Variants in TRAPPC9 observed in about 807,000 individuals in gnomAD.
TRAPPC9 encodes the protein trafficking protein particle complex subunit 9.
Under a neutral mutation model 124.0 loss-of-function variants are expected in TRAPPC9, and 83 were observed. That is an observed-to-expected ratio of 0.67 (90% CI 0.56 to 0.80). The LOEUF (loss-of-function observed/expected upper bound fraction) is 0.80, where lower values mean the gene tolerates loss of function less well. Among genes scored for constraint, TRAPPC9 ranks in the 30% least tolerant of loss-of-function variants. The probability of loss-of-function intolerance (pLI) is 0.00; values close to 1 mark genes in which losing one functional copy is unlikely to be tolerated. For synonymous variants in TRAPPC9, 638 were observed against 617.5 expected, an observed-to-expected ratio of 1.03 and a Z score of -0.49; for missense variants, 1,302 against 1,508.3, an observed-to-expected ratio of 0.86 and a Z score of 2.27.
intron 17 of TRAPPC9, among the ~76,000 whole-genome samples, chr8:140,149,735 A>G (rs1398075573): frequency 6.6e-6 from 1 of 152,188 alleles, no homozygotes; most frequent in Non-Finnish European, 1.5e-5. Context: ...ACTCGAATGT[A>G]CGTGAGTCAT....
chr8:140,360,261 G>C, intron 8 of TRAPPC9, 68 bp from the exon 9 acceptor site: 15 of 1,602,364 alleles, frequency 9.4e-6, no homozygotes, highest in South Asian at 2.2e-5. Context: ...GTTAATCTAA[G>C]TTGTAAAACT....
At chr8:140,447,863 A>G (rs13258416) in intron 2 of TRAPPC9, among the ~76,000 whole-genome samples, 84,725 of 152,016 alleles carry the variant, frequency 0.56, 23,794 homozygotes, top group Non-Finnish European at 0.57. Flanking sequence ...TTAGAGAACC[A>G]GCCAGGCACT....
chr8:139,766,935 C>T (rs142601008), intron 21 of TRAPPC9, among the ~76,000 whole-genome samples: 17 of 152,360 alleles, frequency 1.1e-4, no homozygotes, highest in African/African-American at 3.8e-4. Flanking sequence ...TGCTCTCTTG[C>T]GTCCTCACCT....
In TRAPPC9 at chr8:139,880,500, A is replaced by G. The variant is rs193097831; in HGVS notation, c.3055+5379T>C. On this transcript the variant is annotated intron_variant, in intron 21 of 22. Transcript: ENST00000438773. ...GTCCCGTTTAAGGTTTAAGGACTTG[A>G]CCCAACCCAGACCCTCCCTGCACTC... Among the ~76,000 whole-genome samples, 300 of 152,138 alleles carry G rather than the reference A, an allele frequency of 2.0e-3. 3 individuals are homozygous for G. Among genetic ancestry groups the G allele is most frequent in the African/African-American group, 7.0e-3 (289 of 41,502 alleles).
intron 14 of TRAPPC9, among the ~76,000 whole-genome samples, chr8:140,283,665 T>C (rs976221992): frequency 1.1e-4 from 16 of 152,110 alleles, no homozygotes; most frequent in African/African-American, 2.9e-4. Flanking sequence ...TATGATTCCA[T>C]AGGCTAATTT....
intron 9 of TRAPPC9, among the ~76,000 whole-genome samples, chr8:140,312,314 G>A (rs1275411462): frequency 7.2e-5 from 11 of 152,198 alleles, no homozygotes; most frequent in East Asian, 1.9e-4. Context: ...AGAGGGACAC[G>A]ATCGCCAGGG....
chr8:140,137,480 T>C (rs973583224), intron 17 of TRAPPC9, among the ~76,000 whole-genome samples: 4 of 152,150 alleles, frequency 2.6e-5, no homozygotes, highest in Non-Finnish European at 5.9e-5. Context: ...CCACGGCAGA[T>C]AACATGGTGG....
At chr8:139,740,916 C>T (rs887586811) in intron 21 of TRAPPC9, among the ~76,000 whole-genome samples, 2 of 152,206 alleles carry the variant, frequency 1.3e-5, no homozygotes, top group African/African-American at 4.8e-5. Flanking sequence ...CTGGCTGTGT[C>T]AGGAGCAGCA....
At chr8:140,267,943 G>A (rs2064740017) in intron 15 of TRAPPC9, among the ~76,000 whole-genome samples, 1 of 152,136 alleles carries the variant, frequency 6.6e-6, no homozygotes, top group African/African-American at 2.4e-5. Flanking sequence ...TGGAATTACA[G>A]GCGTGAGCCA....
chr8:140,124,947 A>C (rs2061057418), intron 17 of TRAPPC9, among the ~76,000 whole-genome samples: 1 of 152,252 alleles, frequency 6.6e-6, no homozygotes, highest in African/African-American at 2.4e-5. Context: ...CATTTCTGGA[A>C]AGAAAGCCCC....
intron 2 of TRAPPC9, among the ~76,000 whole-genome samples, chr8:140,449,326 C>T (rs1204128764): frequency 6.6e-6 from 1 of 152,198 alleles, no homozygotes; most frequent in Admixed American, 6.5e-5. Flanking sequence ...GAGCCCTGTC[C>T]AAGCCAGGAG....
chr8:139,942,572 T>C (rs539401734), intron 19 of TRAPPC9, among the ~76,000 whole-genome samples: 8 of 152,296 alleles, frequency 5.3e-5, no homozygotes, highest in South Asian at 4.1e-4. Context: ...GTTGGAAAAG[T>C]AGAAAAGTTC....
intron 18 of TRAPPC9, among the ~76,000 whole-genome samples, chr8:140,002,886 T>G (rs187407001): frequency 7.1e-6 from 1 of 141,538 alleles, no homozygotes; most frequent in African/African-American, 2.6e-5. Context: ...AATTTAAACT[T>G]CACAATTTAT....
At chr8:140,072,591 G>GAGGAGGAGGAGGAGGA (rs1452226045) in intron 17 of TRAPPC9, among the ~76,000 whole-genome samples, 1 of 13,254 alleles carries the variant, frequency 7.5e-5, no homozygotes, top group African/African-American at 2.9e-4. Flanking sequence ...GGAGGAGAAG[G>GAGGAGGAGGAGGAGGA]GAAGGAGGAG....
At chr8:140,416,371 A>G (rs1304151370) in intron 5 of TRAPPC9, among the ~76,000 whole-genome samples, 17 of 152,206 alleles carry the variant, frequency 1.1e-4, no homozygotes, top group Admixed American at 1.0e-3. Context: ...ATAACAAGTA[A>G]AGTGATTGAA....
intron 17 of TRAPPC9, among the ~76,000 whole-genome samples, chr8:140,146,648 TA>T (rs2061467539): frequency 6.6e-6 from 1 of 152,244 alleles, no homozygotes; most frequent in African/African-American, 2.4e-5. Context: ...ATTTGAATTT[TA>T]AATTTTCCTT....
chr8:139,826,547 C>T (rs1825657288), intron 21 of TRAPPC9, among the ~76,000 whole-genome samples: 1 of 152,118 alleles, frequency 6.6e-6, no homozygotes, highest in Admixed American at 6.5e-5. Flanking sequence ...GTGGGAACCA[C>T]GGCAGAGGCG....
chr8:140,249,646 C>G (rs2064082122), intron 16 of TRAPPC9, among the ~76,000 whole-genome samples: 1 of 139,652 alleles, frequency 7.2e-6, no homozygotes, highest in Non-Finnish European at 1.5e-5. Flanking sequence ...CTCTGTCACC[C>G]AGGCTGGAGG....
At chr8:140,001,293 A>G (rs1322760135) in intron 18 of TRAPPC9, among the ~76,000 whole-genome samples, 1 of 152,094 alleles carries the variant, frequency 6.6e-6, no homozygotes, top group Non-Finnish European at 1.5e-5. Context: ...AATGTAAATG[A>G]CGAGTTGATG....
Sources: gnomAD v4.1 joint callset for allele counts (sites outside exome capture counted in the v4.1 genomes callset) on GRCh38, gnomAD v4.1.1 for gene constraint, MANE v1.5 for transcripts, NCBI Gene and HGNC (gene_info 2026-07-23, HGNC 2026-07-21) for gene names.